AIG1: variants seen among roughly 807,000 people sequenced by gnomAD.
AIG1 encodes androgen-induced gene 1 protein.
Under a neutral mutation model 31.4 loss-of-function variants are expected in AIG1, and 23 were observed. That is an observed-to-expected ratio of 0.73 (90% confidence interval 0.53 to 1.04). The LOEUF (loss-of-function observed/expected upper bound fraction) is 1.04, where lower values mean the gene tolerates loss of function less well. AIG1 is among the 50% of genes least tolerant of loss of function. AIG1 has a pLI of 0.00. For missense variants in AIG1, 274 were observed against 295.0 expected, an observed-to-expected ratio of 0.93 and a Z score of 0.52; for synonymous variants, 100 against 110.5, an observed-to-expected ratio of 0.90 and a Z score of 0.60.
chr6:143,130,866 C>A (rs1783165934), intron 1 of AIG1, among the ~76,000 whole-genome samples: 2 of 152,138 alleles, frequency 1.3e-5, no homozygotes, highest in South Asian at 4.1e-4. Context: ...TAATCCTCTC[C>A]CTCTTCCCAC....
chr6:143,106,905 C>G (rs1328868082), intron 1 of AIG1, among the ~76,000 whole-genome samples: 1 of 151,748 alleles, frequency 6.6e-6, no homozygotes, highest in Non-Finnish European at 1.5e-5. Context: ...GAGGAAGGCT[C>G]TCTCTCGGGC....
At chr6:143,157,790 T>G (rs1266033509) in intron 2 of AIG1, among the ~76,000 whole-genome samples, 1 of 152,246 alleles carries the variant, frequency 6.6e-6, no homozygotes, top group Non-Finnish European at 1.5e-5. Context: ...TGGAGAATTA[T>G]TTGATCATGA....
At chr6:143,158,606 G>A (rs1234425704) in intron 2 of AIG1, among the ~76,000 whole-genome samples, 1 of 152,190 alleles carries the variant, frequency 6.6e-6, no homozygotes, top group African/African-American at 2.4e-5. Flanking sequence ...ACTTGATCTT[G>A]AAGTCCAGAG....
intron 1 of AIG1, among the ~76,000 whole-genome samples, chr6:143,134,396 C>CTTTTTTTTTTT (rs61322198): frequency 9.0e-6 from 1 of 111,408 alleles, no homozygotes; most frequent in African/African-American, 3.3e-5. Flanking sequence ...TCCTGGTTTC[C>CTTTTTTTTTTT]TTTTTTTTTT....
In AIG1 at chr6:143,258,710, G is replaced by A. The variant is rs1047702999; in HGVS notation, c.400-25400G>A. ...AAGCTTAACTTGAAAATAATTTGAGGAACAATTGTGAAAAAAGTCTTATAT... is the reference window on the plus strand; with the variant it reads ...AAGCTTAACTTGAAAATAATTTGAGAAACAATTGTGAAAAAAGTCTTATAT... On this transcript the variant is annotated intron_variant, in intron 3 of 5. Coordinates refer to ENST00000357847, the MANE Select transcript of AIG1 (RefSeq NM_016108.4). This position sits in a 1 kb window ranked among gnomAD's most constrained non-coding sequence, Gnocchi z 4.7. Among the ~76,000 whole-genome samples, 2 of 151,892 alleles carry A rather than the reference G, an allele frequency of 1.3e-5. No homozygotes were observed. Among genetic ancestry groups the A allele is most frequent in the African/African-American group, 4.8e-5 (2 of 41,386 alleles).
rs1419214649 is a variant in AIG1 at position 143,288,181 on chromosome 6, T to C, written c.515+3956T>C. Among the ~76,000 whole-genome samples, 1 of 152,192 alleles carries C rather than the reference T, an allele frequency of 6.6e-6. No individual in the cohort carries two copies. Among genetic ancestry groups the C allele is most frequent in the East Asian group, 1.9e-4 (1 of 5,194 alleles). Reference sequence around the variant, plus strand: ...CACCTGGAATCCTTGTCTCTGCAGTTCTGCTTCTCATTGCTCTGCCTTTCA... The same window carrying C: ...CACCTGGAATCCTTGTCTCTGCAGTCCTGCTTCTCATTGCTCTGCCTTTCA... On this transcript the variant is annotated intron_variant, in intron 4 of 5. Coordinates refer to ENST00000357847, the MANE Select transcript of AIG1 (RefSeq NM_016108.4). The surrounding 1 kb of genome is among the most constrained non-coding windows in gnomAD (Gnocchi z 4.4).
In AIG1 at chr6:143,326,398, A is replaced by G. The variant is rs1400383707; in HGVS notation, c.516-6884A>G. 2.6e-5 allele frequency among the ~76,000 whole-genome samples: 4 copies of G among 152,062 alleles called. No homozygotes were observed. Among genetic ancestry groups the G allele is most frequent in the African/African-American group, 9.7e-5 (4 of 41,386 alleles). On this transcript the variant is annotated intron_variant, in intron 4 of 5. Coordinates refer to ENST00000357847, the MANE Select transcript of AIG1 (RefSeq NM_016108.4). This position sits in a 1 kb window ranked among gnomAD's most constrained non-coding sequence, Gnocchi z 4.5. ...TCTTTCCTCCCATCTTTACTCAATG[A>G]ATTCTTATCCTTTCTATCACAGTTT... is the stretch of plus-strand genomic sequence containing the variant.
intron 2 of AIG1, among the ~76,000 whole-genome samples, chr6:143,144,841 AC>A (rs1254479722): frequency 6.6e-6 from 1 of 152,180 alleles, no homozygotes; most frequent in Non-Finnish European, 1.5e-5. Flanking sequence ...ACTCTGTGAG[AC>A]CAGGGAAGTT....
At chr6:143,196,957 A>G (rs1790290459) in intron 3 of AIG1, among the ~76,000 whole-genome samples, 1 of 152,252 alleles carries the variant, frequency 6.6e-6, no homozygotes, top group African/African-American at 2.4e-5. Context: ...TTCTGGAAAT[A>G]TCATTATAGT....
intron 1 of AIG1, among the ~76,000 whole-genome samples, chr6:143,124,652 G>A (rs1419355468): frequency 6.6e-6 from 1 of 152,192 alleles, no homozygotes; most frequent in Non-Finnish European, 1.5e-5. Flanking sequence ...ACAAAGGATA[G>A]AGGTTTAATT....
chr6:143,137,167 G>C (rs1783838357), intron 2 of AIG1, among the ~76,000 whole-genome samples, 177 bp downstream of exon 2: 1 of 152,216 alleles, frequency 6.6e-6, no homozygotes, highest in Non-Finnish European at 1.5e-5. Context: ...CGTAGTTCTG[G>C]AGGCTGAAGT....
rs143978972 is a variant in AIG1, at chr6:143,189,670, A to G, written c.399+24487A>G. On this transcript the variant is annotated intron_variant, in intron 3 of 5. Coordinates refer to ENST00000357847, the MANE Select transcript of AIG1 (RefSeq NM_016108.4). Reference sequence around the variant, plus strand: ...TTGATTTGCTTTAAATTGCAGTATCATCCTTTTTTTCTGTACCTAAATGTT... The same window carrying G: ...TTGATTTGCTTTAAATTGCAGTATCGTCCTTTTTTTCTGTACCTAAATGTT... The G allele has an allele frequency of 1.4e-3, 1,395 of 985,352 alleles. 13 individuals carry two copies. The African/African-American group carries it at 0.023, about 16-fold the overall frequency. 61.0% of individuals were successfully genotyped at this position (985,352 alleles called of 1,614,324 possible). A position where few individuals can be genotyped will look rare whatever the true frequency, so the allele number is the denominator to read the frequency against.
At chr6:143,275,241 T>C (rs1411568271) in intron 3 of AIG1, among the ~76,000 whole-genome samples, 1 of 152,108 alleles carries the variant, frequency 6.6e-6, no homozygotes, top group African/African-American at 2.4e-5. Context: ...AAGAAAGTCA[T>C]GGAAAGTCCC....
intron 3 of AIG1, among the ~76,000 whole-genome samples, chr6:143,243,486 T>C (rs1441909146): frequency 6.6e-6 from 1 of 152,210 alleles, no homozygotes; most frequent in Non-Finnish European, 1.5e-5. Flanking sequence ...ATTTTTTTCA[T>C]TGAATAGCCT....
chr6:143,073,458 C>A (rs58851256), intron 1 of AIG1, among the ~76,000 whole-genome samples: 2 of 151,998 alleles, frequency 1.3e-5, no homozygotes, highest in Non-Finnish European at 2.9e-5. Context: ...CCTCCATACT[C>A]TTTTTCGTAT....
intron 1 of AIG1, among the ~76,000 whole-genome samples, chr6:143,073,909 A>ACTT (rs1777514099): frequency 6.6e-6 from 1 of 152,210 alleles, no homozygotes; most frequent in African/African-American, 2.4e-5. Flanking sequence ...TGATCCAATA[A>ACTT]CTTCGCACCA....
intron 3 of AIG1, among the ~76,000 whole-genome samples, chr6:143,276,155 C>T (rs1004113412): frequency 2.5e-4 from 38 of 152,218 alleles, no homozygotes; most frequent in African/African-American, 8.2e-4. Context: ...TAAAACGTGT[C>T]ACTGTCCTAG....
At chr6:143,124,853 C>T (rs1427318868) in intron 1 of AIG1, among the ~76,000 whole-genome samples, 1 of 152,088 alleles carries the variant, frequency 6.6e-6, no homozygotes, top group Non-Finnish European at 1.5e-5. Flanking sequence ...CATGTAGAAA[C>T]CACCCCCATG....
intron 1 of AIG1, among the ~76,000 whole-genome samples, chr6:143,115,621 A>G (rs1181105041): frequency 2.0e-5 from 3 of 150,514 alleles, no homozygotes; most frequent in Admixed American, 2.0e-4. Flanking sequence ...ACAGACTCAC[A>G]ATTTGCAAAA....
Sources: allele counts gnomAD v4.1 joint callset (sites outside exome capture counted in the v4.1 genomes callset), GRCh38; gene constraint gnomAD v4.1.1; non-coding constraint Gnocchi (gnomAD v3.1); transcripts MANE v1.5; gene names NCBI Gene and HGNC (gene_info 2026-07-23, HGNC 2026-07-21).